The following PALM2AKAP2 variants were observed in gnomAD, a reference collection of about 807,000 sequenced individuals.
The protein encoded by PALM2AKAP2 is PALM2-AKAP2 fusion protein.
A neutral mutation model predicts 71.5 loss-of-function variants in PALM2AKAP2; 37 were observed. The ratio of observed to expected loss-of-function variants is 0.52; its 90% CI spans 0.40 to 0.68. PALM2AKAP2 has a LOEUF of 0.68. PALM2AKAP2 is among the 30% of genes least tolerant of loss of function. The pLI is 0.00. For synonymous variants in PALM2AKAP2, 468 were observed against 478.8 expected, an observed-to-expected ratio of 0.98 and a Z score of 0.29; for missense variants, 1,224 against 1,191.8, an observed-to-expected ratio of 1.03 and a Z score of -0.40.
chr9:109,719,297 G>A (rs577340032), intron 1 of PALM2AKAP2, among the ~76,000 whole-genome samples: 1 of 152,298 alleles, frequency 6.6e-6, no homozygotes, highest in East Asian at 1.9e-4. Flanking sequence ...GGGTTAGGAA[G>A]GTACAATACA....
rs968916214 is a variant in PALM2AKAP2 at position 109,658,885 on chromosome 9, C to T, written c.5+18019C>T. ...ATACAATTTCAGTAATAACAAAATC[C>T]GAAAAGTACTTATAAATAAATATAG... On this transcript the variant is annotated intron_variant, in intron 1 of 6. Transcript: ENST00000374531. 8.5e-5 allele frequency among the ~76,000 whole-genome samples: 13 copies of T among 152,174 alleles called. No individual in the cohort carries two copies. The South Asian group carries it at 1.5e-3, about 17-fold the overall frequency.
At chr9:109,817,106 T>G (rs10980067) in intron 1 of PALM2AKAP2, among the ~76,000 whole-genome samples, 26,483 of 152,236 alleles carry the variant, frequency 0.17, 2,621 homozygotes, top group East Asian at 0.3. Context: ...AGGAATAAAA[T>G]ATGTATTATA....
chr9:109,824,131 C>T lies in PALM2AKAP2; in HGVS notation c.46-43360C>T, dbSNP rs184940079. 1.1e-3 allele frequency among the ~76,000 whole-genome samples: 163 copies of T among 152,280 alleles called. 1 individual carries two copies. In the South Asian group the frequency reaches 0.011, roughly 10 times the overall value. On this transcript the variant is annotated intron_variant, in intron 1 of 9. Coordinates refer to the PALM2AKAP2 transcript ENST00000302798. The stretch of plus-strand genomic sequence containing the variant: ...CTCAAACTCCTAGGCTCAAGTGATC[C>T]TCCCATCTCTGCCTCCCAAAGCCCT...
In PALM2AKAP2 at chr9:109,780,537, A is replaced by C. The variant is rs1262226033; in HGVS notation, c.45+4A>C. 3.7e-6 allele frequency: 6 copies of C among 1,613,480 alleles called. No homozygotes were observed. The highest frequency in any genetic ancestry group is 5.1e-6 in the Non-Finnish European group (6 of 1,179,954). On this transcript the variant is annotated splice_donor_region_variant and intron_variant, in intron 1 of 9. Transcript: ENST00000302798. ...GGAAAGGCTGCAAGCCATAGCAGTA[A>C]GTCCACTTTCATTTTATTTTCTTGC...
At chr9:110,051,955 T>C (rs1833719588) in intron 1 of PALM2AKAP2, among the ~76,000 whole-genome samples, 1 of 151,882 alleles carries the variant, frequency 6.6e-6, no homozygotes, top group Non-Finnish European at 1.5e-5. Context: ...TGGGCTGGAA[T>C]GCAGTGGCGC....
intron 1 of PALM2AKAP2, among the ~76,000 whole-genome samples, chr9:109,757,510 C>G (rs926760498): frequency 1.3e-5 from 2 of 152,114 alleles, no homozygotes; most frequent in African/African-American, 4.8e-5. Context: ...AGAGGCAGGT[C>G]TGCCCCATAC....
chr9:110,113,187 C>T (rs1835287185), intron 1 of PALM2AKAP2, among the ~76,000 whole-genome samples: 1 of 152,004 alleles, frequency 6.6e-6, no homozygotes, highest in African/African-American at 2.4e-5. Flanking sequence ...GTTTTATCTA[C>T]AGGTTTTTAT....
chr9:109,877,035 G>T (rs1188038610), intron 2 of PALM2AKAP2, among the ~76,000 whole-genome samples: 1 of 152,162 alleles, frequency 6.6e-6, no homozygotes, highest in Non-Finnish European at 1.5e-5. Flanking sequence ...AACATTCCAA[G>T]AGCAGCCATT....
intron 1 of PALM2AKAP2, among the ~76,000 whole-genome samples, chr9:109,783,779 T>TACC (rs1826886380): frequency 6.6e-6 from 1 of 152,202 alleles, no homozygotes; most frequent in Non-Finnish European, 1.5e-5. Flanking sequence ...CACTGAAAAG[T>TACC]TGGTGTCCCC....
intron 3 of PALM2AKAP2, among the ~76,000 whole-genome samples, chr9:109,902,379 AG>A (rs1830349277): frequency 6.6e-6 from 1 of 152,240 alleles, no homozygotes; most frequent in South Asian, 2.1e-4. Flanking sequence ...CTCTGGCCAG[AG>A]GCAGAGCCTC....
At chr9:109,738,090 C>T (rs1434220262) in intron 1 of PALM2AKAP2, among the ~76,000 whole-genome samples, 1 of 152,214 alleles carries the variant, frequency 6.6e-6, no homozygotes, top group Non-Finnish European at 1.5e-5. Context: ...AAGTGGTACT[C>T]ATTTACTGAG....
chr9:110,080,713 C>G (rs1335587444), intron 1 of PALM2AKAP2, among the ~76,000 whole-genome samples: 11 of 152,120 alleles, frequency 7.2e-5, no homozygotes, highest in Admixed American at 6.6e-4. Flanking sequence ...GAGTCTCACT[C>G]CGTTGCCCAC....
At chr9:110,161,862 G>A (rs137860154) in intron 3 of PALM2AKAP2, among the ~76,000 whole-genome samples, 2,000 of 151,736 alleles carry the variant, frequency 0.013, 14 homozygotes, top group South Asian at 0.022. Context: ...AACAAAGTAC[G>A]GCTTATCTGA....
intron 3 of PALM2AKAP2, among the ~76,000 whole-genome samples, chr9:110,167,359 C>T (rs1019225838): frequency 2.6e-5 from 4 of 152,236 alleles, no homozygotes; most frequent in African/African-American, 7.2e-5. Flanking sequence ...AGAAACTGTA[C>T]ATCCTAAGCA....
intron 1 of PALM2AKAP2, among the ~76,000 whole-genome samples, chr9:110,119,335 C>A (rs1475781226): frequency 1.1e-4 from 13 of 117,258 alleles, no homozygotes; most frequent in African/African-American, 4.4e-4. Flanking sequence ...GAGCGAGACT[C>A]CATCTCAAAA....
At chr9:110,062,816 A>G (rs1833991600) in intron 1 of PALM2AKAP2, among the ~76,000 whole-genome samples, 1 of 152,234 alleles carries the variant, frequency 6.6e-6, no homozygotes, top group Non-Finnish European at 1.5e-5. Flanking sequence ...GCCAAAGGGA[A>G]AAGTCAAGCT....
chr9:109,932,126 G>C (rs1831118069), intron 6 of PALM2AKAP2, 98 bp downstream of exon 6: 7 of 1,275,636 alleles, frequency 5.5e-6, no homozygotes, highest in East Asian at 2.6e-5. Context: ...CCTTACATAG[G>C]GGGAGCTCAC....
At chr9:109,832,895 G>C (rs12376780) in intron 1 of PALM2AKAP2, among the ~76,000 whole-genome samples, 1 of 152,068 alleles carries the variant, frequency 6.6e-6, no homozygotes, top group African/African-American at 2.4e-5. Flanking sequence ...GCACTAACTC[G>C]TGTGCCAATG....
At chr9:110,156,918 C>G (rs1836472551) in intron 3 of PALM2AKAP2, among the ~76,000 whole-genome samples, 1 of 152,154 alleles carries the variant, frequency 6.6e-6, no homozygotes, top group Non-Finnish European at 1.5e-5. Flanking sequence ...TCCTTCAAAG[C>G]CGACACTCTA....
Sources: allele counts gnomAD v4.1 joint callset (sites outside exome capture counted in the v4.1 genomes callset), GRCh38; gene constraint gnomAD v4.1.1; transcripts MANE v1.5; gene names NCBI Gene and HGNC (gene_info 2026-07-23, HGNC 2026-07-21).